The following PHF3 variants were observed in gnomAD, a reference collection of about 807,000 sequenced individuals.
PHF3 encodes PHD finger protein 3.
A neutral mutation model predicts 178.4 loss-of-function variants in PHF3; 41 were observed. The ratio of observed to expected loss-of-function variants is 0.23; its 90% CI spans 0.18 to 0.30. The LOEUF is 0.30. Among genes scored for constraint, PHF3 ranks in the 10% least tolerant of loss-of-function variants. The probability of loss-of-function intolerance (pLI) is 1.00; values close to 1 mark genes in which losing one functional copy is unlikely to be tolerated. For missense variants in PHF3, 2,346 were observed against 2,398.1 expected (o/e 0.98, Z 0.45); for synonymous variants, 842 against 800.5 (o/e 1.05, Z -0.88).
At chr6:63,676,020 C>G (rs1766150171) in intron 2 of PHF3, among the ~76,000 whole-genome samples, 2 of 152,094 alleles carry the variant, frequency 1.3e-5, no homozygotes, top group Admixed American at 6.6e-5. Context: ...GTTGCTTTAC[C>G]TTGATGCATC....
chr6:63,674,882 C>T (rs1181061403), intron 2 of PHF3, among the ~76,000 whole-genome samples: 1 of 152,096 alleles, frequency 6.6e-6, no homozygotes, highest in East Asian at 1.9e-4. Flanking sequence ...GTGAAGAGTC[C>T]CTCCTGTTAC....
At chr6:63,707,006 A>C in intron 13 of PHF3, 130 bp downstream of exon 13, 2 of 766,034 alleles carry the variant, frequency 2.6e-6, no homozygotes, top group South Asian at 3.9e-5. Flanking sequence ...CAGTCCAAGT[A>C]ATATAATTAT....
intron 2 of PHF3, among the ~76,000 whole-genome samples, chr6:63,677,927 C>T (rs1766243113): frequency 6.6e-6 from 1 of 152,018 alleles, no homozygotes; most frequent in South Asian, 2.1e-4. Flanking sequence ...AATCTAATGT[C>T]AAAACTTTTT....
intron 8 of PHF3, among the ~76,000 whole-genome samples, chr6:63,699,107 G>A (rs967603328): frequency 2.0e-5 from 3 of 152,160 alleles, no homozygotes; most frequent in Non-Finnish European, 4.4e-5. Context: ...TAGCAGTAGA[G>A]TAAATGTTAA....
chr6:63,716,347 T>A lies in PHF3; in HGVS notation c.*2639T>A, dbSNP rs1313605891. On this transcript the variant is annotated 3_prime_UTR_variant, in exon 16 of 16. Coordinates refer to ENST00000262043, the MANE Select transcript of PHF3 (RefSeq NM_001370348.2). ...CAAAAGCCTGATGATCATATATACC[T>A]TTCATAGCCCTCTTTCTTTGCGTTC... Among the ~76,000 whole-genome samples, 1 of 152,162 alleles carries A rather than the reference T, an allele frequency of 6.6e-6. No individual in the cohort carries two copies. Among genetic ancestry groups the A allele is most frequent in the Non-Finnish European group, 1.5e-5 (1 of 68,024 alleles).
intron 2 of PHF3, among the ~76,000 whole-genome samples, chr6:63,674,827 T>C (rs1046899597): frequency 6.6e-6 from 1 of 152,226 alleles, no homozygotes; most frequent in African/African-American, 2.4e-5. Context: ...ATAGTTGAGC[T>C]AAGTTTGACC....
chr6:63,675,359 T>G (rs1233186329), intron 2 of PHF3, among the ~76,000 whole-genome samples: 1 of 152,214 alleles, frequency 6.6e-6, no homozygotes, highest in Non-Finnish European at 1.5e-5. Context: ...AAACTCAGCT[T>G]AACTACTTCT....
intron 2 of PHF3, among the ~76,000 whole-genome samples, chr6:63,670,674 A>G (rs1414429127): frequency 6.6e-6 from 1 of 152,214 alleles, no homozygotes; most frequent in Non-Finnish European, 1.5e-5. Context: ...CTGTTGAGAT[A>G]GAGCCATGAT....
chr6:63,682,090 C>T (rs1582067247), intron 3 of PHF3, among the ~76,000 whole-genome samples: 2 of 152,268 alleles, frequency 1.3e-5, no homozygotes, highest in African/African-American at 4.8e-5. Context: ...CAGCCAGTCT[C>T]AACTGTGCCT....
At position 63,718,648 on chromosome 6, in the gene PHF3, G is replaced by T. The variant is rs1402634017; in HGVS notation, c.*4940G>T. 6.6e-6 allele frequency among the ~76,000 whole-genome samples: 1 copy of T among 151,922 alleles called. No homozygotes were observed. Among genetic ancestry groups the T allele is most frequent in the Non-Finnish European group, 1.5e-5 (1 of 67,932 alleles). On this transcript the variant is annotated 3_prime_UTR_variant, in exon 16 of 16. Transcript: ENST00000262043. ...ATATATGAAGAAAATCTGGCTATAT[G>T]TGCATTTGTTTTTGGGAAAGGGAGG...
Position 63,712,696 on chromosome 6 carries a change from C to T in PHF3, c.5108C>T (p.Ser1703Phe), listed in dbSNP as rs138809513. ...ATCAATGTAGAGGAAAAGTTGTGTT[C>T]TGCAGAGAAAAACTCGTGTGTTCAG... ...EQINVEEKLC[S>F]AEKNSCVQQS... Residue 1703 changes from serine to phenylalanine, a missense_variant, in exon 16 of 16, where the codon TCT becomes TTT. Ser to Phe is a radical substitution (Grantham distance 155). This residue lies in a region of PHF3 where 839 missense variants were observed against 806.9 expected (regional missense o/e 1.04). Transcript: ENST00000262043. The T allele has an allele frequency of 2.5e-6, 4 of 1,613,806 alleles. No homozygotes were observed.
intron 2 of PHF3, among the ~76,000 whole-genome samples, chr6:63,672,198 G>A (rs1168753195): frequency 6.6e-6 from 1 of 152,112 alleles, no homozygotes; most frequent in Non-Finnish European, 1.5e-5. Flanking sequence ...ATAAATAAAT[G>A]AACTATGAGA....
At position 63,636,067 on chromosome 6, in the gene PHF3, G is replaced by GC; in HGVS notation, c.-104dup. 2.5e-6 allele frequency: 1 copy of GC among 392,818 alleles called. No individual in the cohort carries two copies. Among genetic ancestry groups the GC allele is most frequent in the Non-Finnish European group, 4.5e-6 (1 of 222,706 alleles). 24.3% of individuals were successfully genotyped at this position (392,818 alleles called of 1,614,324 possible). Reference sequence around the variant, plus strand: ...ACCCCCTCTCCGCGGCACCCACCGGGCCCCCTCCTCCTCCTCTTCGGCGGC... The same window carrying GC: ...ACCCCCTCTCCGCGGCACCCACCGGGCCCCCCTCCTCCTCCTCTTCGGCGGC... On this transcript the variant is annotated 5_prime_UTR_variant, in exon 1 of 16. Coordinates refer to ENST00000262043, the MANE Select transcript of PHF3 (RefSeq NM_001370348.2).
rs1768401837 is a variant in PHF3 at position 63,721,715 on chromosome 6, A to G, written c.*8007A>G. On this transcript the variant is annotated 3_prime_UTR_variant, in exon 16 of 16. Transcript: ENST00000262043. ...TTCCGTTTATAGTTACTTTTTGGAG[A>G]GTTTCTAGAATGATAGTTCTGTCGC... 3 of 1,551,066 alleles carry G rather than the reference A, an allele frequency of 1.9e-6. No individual in the cohort carries two copies. The highest frequency in any genetic ancestry group is 1.4e-5 in the African/African-American group (1 of 72,986).
In PHF3 at chr6:63,709,261, T is replaced by A. The variant is rs759976960; in HGVS notation, c.3801+21T>A. 1.4e-5 allele frequency: 19 copies of A among 1,400,570 alleles called. No individual in the cohort carries two copies. The South Asian group carries it at 2.2e-4, about 16-fold the overall frequency. The allele number at this position is 1,400,570 out of a possible 1,614,324, so 86.8% of individuals were successfully genotyped here. ...CCAAGGTGAGGAAAACTTTTTTCAC[T>A]ATACCAGCATGGGAAAATGTTTAGA... is the stretch of plus-strand genomic sequence containing the variant. On this transcript the variant is annotated intron_variant, in intron 14 of 15. Transcript: ENST00000262043.
intron 2 of PHF3, among the ~76,000 whole-genome samples, chr6:63,652,929 C>T (rs867357361): frequency 1.3e-5 from 2 of 150,892 alleles, no homozygotes; most frequent in Non-Finnish European, 3.0e-5. Flanking sequence ...TATTGGTTAT[C>T]ATAGCTTTGT....
At chr6:63,698,701 G>A in intron 8 of PHF3, 96 bp downstream of exon 8, 1 of 859,572 alleles carries the variant, frequency 1.2e-6, no homozygotes, top group Non-Finnish European at 1.7e-6. Flanking sequence ...TTATTAATTG[G>A]AGTGAGATTA....
At chr6:63,705,937 A>T (rs909976778) in intron 11 of PHF3, 92 bp from the exon 12 acceptor site, 3 of 947,752 alleles carry the variant, frequency 3.2e-6, no homozygotes, top group East Asian at 5.1e-5. Context: ...CAATTGAATC[A>T]TAGAACCTGA....
chr6:63,705,872 A>G (rs1165368615), intron 11 of PHF3, among the ~76,000 whole-genome samples, 157 bp from the exon 12 acceptor site: 1 of 152,166 alleles, frequency 6.6e-6, no homozygotes, highest in Non-Finnish European at 1.5e-5. Flanking sequence ...TGTGGTTGTG[A>G]TACAACTAAA....
Sources: gnomAD v4.1 joint callset for allele counts (sites outside exome capture counted in the v4.1 genomes callset) on GRCh38, gnomAD v4.1.1 for gene constraint, gnomAD v4.1.1 regional missense constraint, MANE v1.5 for transcripts, NCBI Gene and HGNC (gene_info 2026-07-23, HGNC 2026-07-21) for gene names.